HPS4: variants seen among roughly 807,000 people sequenced by gnomAD.
The protein encoded by HPS4 is HPS4 biogenesis of lysosomal organelles complex 3 subunit 2.
Under a neutral mutation model 70.3 loss-of-function variants are expected in HPS4, and 44 were observed. That is an observed-to-expected ratio of 0.63 (90% CI 0.49 to 0.80). HPS4 has a LOEUF of 0.80. Among genes scored for constraint, HPS4 ranks in the 30% least tolerant of loss-of-function variants. The pLI is 0.00. For synonymous variants in HPS4, 377 were observed against 355.9 expected (o/e 1.06, Z -0.67); for missense variants, 873 against 884.4 (o/e 0.99, Z 0.16).
chr22:26,472,174 T>C, intron 6 of HPS4, 128 bp downstream of exon 6: 1 of 758,960 alleles, frequency 1.3e-6, no homozygotes, highest in Non-Finnish European at 2.4e-6. Flanking sequence ...ACCTGCCGTG[T>C]CATGGCCCTG....
chr22:26,472,559 C>G (rs2089981501), intron 5 of HPS4, 141 bp from the exon 6 acceptor site: 1 of 764,782 alleles, frequency 1.3e-6, no homozygotes, highest in South Asian at 1.4e-5. Flanking sequence ...TATCCCATCA[C>G]AGATCCACGG....
At position 26,468,001 on chromosome 22, in the gene HPS4, C is replaced by G. The variant is rs138736490; in HGVS notation, c.669+550G>C. On this transcript the variant is annotated intron_variant, in intron 8 of 13. Coordinates refer to ENST00000398145, the MANE Select transcript of HPS4 (RefSeq NM_022081.6). Reference sequence around the variant, plus strand: ...CACCTCAACCTCTGCCTGCCAGGTTCAAGCGATTCTCCTGCCTCAGCCTCC... The same window carrying G: ...CACCTCAACCTCTGCCTGCCAGGTTGAAGCGATTCTCCTGCCTCAGCCTCC... The G allele has an allele frequency of 1.2e-3, 183 of 154,236 alleles. 4 individuals carry two copies. The East Asian group carries it at 0.032, about 27-fold the overall frequency. The allele number at this position is 154,236 out of a possible 1,614,324, so 9.6% of individuals were successfully genotyped here.
At chr22:26,479,378 C>T in intron 2 of HPS4, 23 bp from the exon 3 acceptor site, 1 of 1,612,768 alleles carries the variant, frequency 6.2e-7, no homozygotes, top group Non-Finnish European at 8.5e-7. Flanking sequence ...CAGAGTGGAG[C>T]CATGTTTCCT....
chr22:26,467,144 A>C (rs1226784508), intron 8 of HPS4: 4 of 152,256 alleles, frequency 2.6e-5, no homozygotes, highest in African/African-American at 9.6e-5. Flanking sequence ...CCTGCCACTA[A>C]AACATCTTTG....
rs775899708 is a variant in HPS4, at chr22:26,481,754, G to A, written c.9C>T (p.Thr3=). The change falls in exon 2 of 14, where the codon ACC becomes ACT. Residue 3 remains threonine (T), a synonymous_variant. Coordinates refer to ENST00000398145, the MANE Select transcript of HPS4 (RefSeq NM_022081.6). ...CTGACTTTGCCTCTGTGGAGGTAGA[G>A]GTGGCCATCTACTGTGCAGTCATCC... MA[T]STSTEAKSAS... is the part of the protein sequence containing the mutation. 3 of 1,614,094 alleles carry A rather than the reference G, an allele frequency of 1.9e-6. No individual in the cohort carries two copies. The highest frequency in any genetic ancestry group is 2.5e-6 in the Non-Finnish European group (3 of 1,179,922).
At position 26,451,998 on chromosome 22, in the gene HPS4, GCGCGCGCACA is replaced by G. The variant is rs922237740; in HGVS notation, c.*1225_*1234del. ...ATGCGCCCACGTTACGCGCGCGCGCGCGCGCGCACACACACACACACACACACACACACAC... is the reference window on the plus strand; with the variant it reads ...ATGCGCCCACGTTACGCGCGCGCGCGCACACACACACACACACACACACAC... On this transcript the variant is annotated 3_prime_UTR_variant, in exon 14 of 14. Transcript: ENST00000398145. 5.7e-4 allele frequency: 35 copies of G among 61,392 alleles called. 1 individual carries two copies. The highest frequency in any genetic ancestry group is 1.3e-3 in the South Asian group (5 of 3,832). The allele number at this position is 61,392 out of a possible 1,614,324, so 3.8% of individuals were successfully genotyped here.
chr22:26,465,344 G>A, intron 10 of HPS4, 111 bp downstream of exon 10: 1 of 776,098 alleles, frequency 1.3e-6, no homozygotes, highest in African/African-American at 1.7e-5. Context: ...AGGGCATGGG[G>A]AAGATGGAAT....
Position 26,452,287 on chromosome 22 carries a change from C to A in HPS4, c.*946G>T, listed in dbSNP as rs1014910744. ...TTGACAAATATTTTCATCCTGCAGT[C>A]TGTCTCATACTGTCAAAAAAATGTC... On this transcript the variant is annotated 3_prime_UTR_variant, in exon 14 of 14. Transcript: ENST00000398145. The A allele has an allele frequency of 4.5e-6, 2 of 442,786 alleles. No individual in the cohort carries two copies. Among genetic ancestry groups the A allele is most frequent in the Non-Finnish European group, 9.0e-6 (2 of 222,924 alleles). The allele number at this position is 442,786 out of a possible 1,614,324, so 27.4% of individuals were successfully genotyped here.
rs546004944 is a variant in HPS4, at chr22:26,461,316, A to T, written c.1713+2601T>A. Among the ~76,000 whole-genome samples the T allele has an allele frequency of 2.5e-3, 374 of 152,358 alleles. 3 individuals carry two copies. Among genetic ancestry groups the T allele is most frequent in the Non-Finnish European group, 4.2e-3 (286 of 68,028 alleles). ...GCTCCATGTCCTATTGTAGTGATAA[A>T]TAATTAATCTGATCACTGTGTTTGA... On this transcript the variant is annotated intron_variant, in intron 11 of 13. Coordinates refer to ENST00000398145, the MANE Select transcript of HPS4 (RefSeq NM_022081.6).
At chr22:26,472,628 G>A (rs1048551336) in intron 5 of HPS4, among the ~76,000 whole-genome samples, 1 of 152,238 alleles carries the variant, frequency 6.6e-6, no homozygotes, top group Non-Finnish European at 1.5e-5. Context: ...CCAGGGAGGA[G>A]ATGGGGATAA....
At chr22:26,482,415 C>G (rs1226098386) in intron 1 of HPS4, among the ~76,000 whole-genome samples, 175 bp from the exon 2 acceptor site, 1 of 152,144 alleles carries the variant, frequency 6.6e-6, no homozygotes, top group Non-Finnish European at 1.5e-5. Context: ...GTTTCTCGAA[C>G]AGTTAAGGGA....
intron 4 of HPS4, chr22:26,475,221 G>A (rs901551022): frequency 6.6e-6 from 1 of 152,032 alleles, no homozygotes; most frequent in African/African-American, 2.4e-5. Context: ...TTCAGACAAC[G>A]GAATACTGTT....
At chr22:26,467,697 C>G (rs77502249) in intron 8 of HPS4, 1 of 152,086 alleles carries the variant, frequency 6.6e-6, no homozygotes, top group Non-Finnish European at 1.5e-5. Context: ...CCTCATGATA[C>G]GCTGGAAACC....
intron 6 of HPS4, chr22:26,471,225 T>C: frequency 2.5e-6 from 1 of 396,636 alleles, no homozygotes; most frequent in Admixed American, 3.1e-5. Flanking sequence ...TATCCTCCAC[T>C]TTCCTTCTGA....
chr22:26,457,793 C>T, intron 13 of HPS4, 66 bp downstream of exon 13: 1 of 1,194,766 alleles, frequency 8.4e-7, no homozygotes, highest in Non-Finnish European at 1.3e-6. Flanking sequence ...CTGCCTGGGC[C>T]CCACAGGTGG....
At chr22:26,483,563 C>G (rs953235694) in intron 1 of HPS4, 111 bp downstream of exon 1, 1 of 192,704 alleles carries the variant, frequency 5.2e-6, no homozygotes, top group Non-Finnish European at 1.1e-5. Flanking sequence ...CCCAGCTCTA[C>G]GGGACTGGGA....
chr22:26,458,651 A>T, intron 11 of HPS4, 74 bp from the exon 12 acceptor site: 1 of 1,566,602 alleles, frequency 6.4e-7, no homozygotes, highest in Admixed American at 1.8e-5. Flanking sequence ...TTAACCACAG[A>T]CTTAGTTAAA....
downstream of HPS4, chr22:26,443,294 T>G (rs1038688657): frequency 8.9e-7 from 1 of 1,121,408 alleles, no homozygotes; most frequent in East Asian, 2.5e-5. Context: ...CGGTGTTGTT[T>G]CCATGCTCAG....
In HPS4 at chr22:26,470,765, G is replaced by A; in HGVS notation, c.550C>T (p.Gln184Ter). The A allele has an allele frequency of 2.5e-6, 4 of 1,614,210 alleles. No individual in the cohort carries two copies. Among genetic ancestry groups the A allele is most frequent in the Non-Finnish European group, 3.4e-6 (4 of 1,180,046 alleles). Residue 184 changes from glutamine (Q) to a stop codon, truncating the protein, a stop_gained, in exon 7 of 14, where the codon CAG (glutamine) becomes TAG (stop). Transcript: ENST00000398145. LOFTEE classifies it high-confidence loss of function. Reference sequence around the variant, plus strand: ...CCAGCGAGAATGTGAGGCGAGCGCTGGCAGGTCTGCAGAATGCGGGCTGCC... The same window carrying A: ...CCAGCGAGAATGTGAGGCGAGCGCTAGCAGGTCTGCAGAATGCGGGCTGCC... ...LKAARILQTCQRSPHILAGCI... is the reference protein window; with the variant it reads ...LKAARILQTC
Sources: allele counts gnomAD v4.1 joint callset (sites outside exome capture counted in the v4.1 genomes callset), GRCh38; gene constraint gnomAD v4.1.1; transcripts MANE v1.5; gene names NCBI Gene and HGNC (gene_info 2026-07-23, HGNC 2026-07-21).